Variants in DAPK1 observed in about 807,000 individuals in gnomAD.
The protein encoded by DAPK1 is death-associated protein kinase 1.
A neutral mutation model predicts 144.9 loss-of-function variants in DAPK1; 56 were observed. The ratio of observed to expected loss-of-function variants is 0.39; its 90% CI spans 0.31 to 0.48. DAPK1 has a LOEUF of 0.48. Among genes scored for constraint, DAPK1 ranks in the 20% least tolerant of loss-of-function variants. The probability of loss-of-function intolerance (pLI) is 0.95; values close to 1 mark genes in which losing one functional copy is unlikely to be tolerated. For synonymous variants in DAPK1, 690 were observed against 749.0 expected, an observed-to-expected ratio of 0.92 and a Z score of 1.29; for missense variants, 1,454 against 1,875.4, an observed-to-expected ratio of 0.78 and a Z score of 4.15.
intron 12 of DAPK1, 142 bp downstream of exon 12, chr9:87,646,156 GA>G: frequency 9.5e-7 from 1 of 1,056,618 alleles, no homozygotes; most frequent in East Asian, 2.5e-5. Flanking sequence ...CTTCTGTTTA[GA>G]AAGTGATTTG....
intron 2 of DAPK1, among the ~76,000 whole-genome samples, chr9:87,572,466 T>A (rs1003672676): frequency 6.6e-6 from 1 of 152,200 alleles, no homozygotes; most frequent in Non-Finnish European, 1.5e-5. Context: ...CTTACCCAGA[T>A]CTCATGTTGA....
chr9:87,535,428 C>T (rs1167804019), intron 2 of DAPK1, among the ~76,000 whole-genome samples: 3 of 152,150 alleles, frequency 2.0e-5, no homozygotes, highest in East Asian at 3.8e-4. Context: ...ATAAGCCCTG[C>T]TAAGCTTTGA....
intron 2 of DAPK1, among the ~76,000 whole-genome samples, chr9:87,563,160 T>C (rs925371058): frequency 6.6e-6 from 1 of 152,240 alleles, no homozygotes; most frequent in Non-Finnish European, 1.5e-5. Context: ...CTTTATTAAC[T>C]GTACCTTCCG....
intron 2 of DAPK1, among the ~76,000 whole-genome samples, chr9:87,588,529 G>A (rs1444058293): frequency 6.6e-6 from 1 of 152,138 alleles, no homozygotes; most frequent in Admixed American, 6.5e-5. Context: ...CTGAGACTCA[G>A]CAAAGGTTGT....
At position 87,606,827 on chromosome 9, in the gene DAPK1, T is replaced by C. The variant is rs1316670107; in HGVS notation, c.284+1652T>C. Among the ~76,000 whole-genome samples the C allele has an allele frequency of 2.2e-5, 3 of 133,764 alleles. No homozygotes were observed. The Admixed American group carries it at 2.3e-4, about 10-fold the overall frequency. 87.8% of individuals were successfully genotyped at this position (133,764 alleles called of 152,430 possible). ...CCTTCCTCTCTCCTTCCTTCCTCCC[T>C]TTCTCCCCCCTTCCAAATCAGCAGT... On this transcript the variant is annotated intron_variant, in intron 3 of 25. Coordinates refer to ENST00000408954, the MANE Select transcript of DAPK1 (RefSeq NM_004938.4).
intron 2 of DAPK1, among the ~76,000 whole-genome samples, chr9:87,508,814 C>G (rs572416461): frequency 6.6e-6 from 1 of 152,136 alleles, no homozygotes; most frequent in Non-Finnish European, 1.5e-5. Flanking sequence ...CTGCCTAGCA[C>G]CTCATATGTC....
chr9:87,705,311 G>T (rs1163598488), intron 25 of DAPK1, among the ~76,000 whole-genome samples: 1 of 145,104 alleles, frequency 6.9e-6, no homozygotes, highest in Non-Finnish European at 1.5e-5. Context: ...GCACAATCTC[G>T]GCTCACTGCA....
chr9:87,585,872 CAT>C (rs1827928824), intron 2 of DAPK1, among the ~76,000 whole-genome samples: 1 of 152,330 alleles, frequency 6.6e-6, no homozygotes, highest in African/African-American at 2.4e-5. Context: ...CAAAATCTAT[CAT>C]AATCATTTTC....
chr9:87,513,746 G>T (rs749764767), intron 2 of DAPK1, among the ~76,000 whole-genome samples: 1 of 152,204 alleles, frequency 6.6e-6, no homozygotes, highest in Non-Finnish European at 1.5e-5. Context: ...CTGTTCTACT[G>T]TCACTGTCTT....
intron 19 of DAPK1, among the ~76,000 whole-genome samples, chr9:87,674,015 A>G (rs1564063330): frequency 6.6e-6 from 1 of 152,148 alleles, no homozygotes; most frequent in Non-Finnish European, 1.5e-5. Context: ...TTCTCCTTCT[A>G]GAAGAAAGGA....
chr9:87,512,773 T>C (rs532330883), intron 2 of DAPK1, among the ~76,000 whole-genome samples: 1 of 152,296 alleles, frequency 6.6e-6, no homozygotes, highest in South Asian at 2.1e-4. Context: ...AGTAAGTAGC[T>C]GGGATTACAG....
chr9:87,636,346 G>A (rs1829893976), intron 3 of DAPK1, among the ~76,000 whole-genome samples: 1 of 152,200 alleles, frequency 6.6e-6, no homozygotes, highest in Non-Finnish European at 1.5e-5. Flanking sequence ...GGCCCCTGGG[G>A]ATAGGAGAGT....
chr9:87,684,298 C>G (rs1237378629), intron 20 of DAPK1, among the ~76,000 whole-genome samples: 1 of 152,230 alleles, frequency 6.6e-6, no homozygotes, highest in Non-Finnish European at 1.5e-5. Flanking sequence ...AGCAGCAACA[C>G]TGTCACCTGC....
intron 3 of DAPK1, among the ~76,000 whole-genome samples, chr9:87,630,179 A>G (rs1308464315): frequency 6.6e-6 from 1 of 152,218 alleles, no homozygotes; most frequent in Non-Finnish European, 1.5e-5. Context: ...GATAATTGTC[A>G]TGATTAAAGC....
intron 2 of DAPK1, chr9:87,554,397 T>C (rs925078255): frequency 1.3e-5 from 2 of 152,162 alleles, no homozygotes; most frequent in Non-Finnish European, 2.9e-5. Context: ...TAGCAATAAT[T>C]ATGGGATTGT....
chr9:87,684,551 CG>C (rs932123628), intron 20 of DAPK1, among the ~76,000 whole-genome samples: 1 of 152,218 alleles, frequency 6.6e-6, no homozygotes, highest in Non-Finnish European at 1.5e-5. Flanking sequence ...GGAGACCGGA[CG>C]GGGTCCCCTC....
At chr9:87,592,506 C>T (rs1181398500) in intron 2 of DAPK1, among the ~76,000 whole-genome samples, 1 of 152,222 alleles carries the variant, frequency 6.6e-6, no homozygotes, top group South Asian at 2.1e-4. Flanking sequence ...CAACTCCAAA[C>T]CGCATTCGCA....
At chr9:87,636,526 AT>A (rs1829899644) in intron 3 of DAPK1, among the ~76,000 whole-genome samples, 1 of 152,228 alleles carries the variant, frequency 6.6e-6, no homozygotes, top group Non-Finnish European at 1.5e-5. Context: ...CAGAATCTTC[AT>A]TTTTAAAGCA....
At chr9:87,695,670 C>A (rs879564948) in intron 21 of DAPK1, among the ~76,000 whole-genome samples, 10 of 152,206 alleles carry the variant, frequency 6.6e-5, no homozygotes, top group Non-Finnish European at 1.0e-4. Context: ...GTAGGCAGAA[C>A]TGCTGAGCTC....
Sources: gnomAD v4.1 joint callset for allele counts (sites outside exome capture counted in the v4.1 genomes callset) on GRCh38, gnomAD v4.1.1 for gene constraint, MANE v1.5 for transcripts, NCBI Gene and HGNC (gene_info 2026-07-23, HGNC 2026-07-21) for gene names.